Variants in PDE9A observed in about 807,000 individuals in gnomAD.
PDE9A encodes high affinity cGMP-specific 3',5'-cyclic phosphodiesterase 9A.
In PDE9A, 60 loss-of-function variants were observed where a neutral mutation model predicts 87.4. The observed-to-expected ratio is 0.69, with a 90% confidence interval of 0.56 to 0.85. PDE9A has a LOEUF of 0.85. Among genes scored for constraint, PDE9A ranks in the 40% least tolerant of loss-of-function variants. PDE9A has a pLI of 0.00. For missense variants in PDE9A, 665 were observed against 779.0 expected (o/e 0.85, Z 1.74); for synonymous variants, 272 against 279.4 (o/e 0.97, Z 0.27).
At chr21:42,677,733 C>T (rs1295209395) in intron 1 of PDE9A, among the ~76,000 whole-genome samples, 1 of 152,178 alleles carries the variant, frequency 6.6e-6, no homozygotes, top group African/African-American at 2.4e-5. Flanking sequence ...GTCTCCACAT[C>T]CCGGGTTCAA....
intron 7 of PDE9A, among the ~76,000 whole-genome samples, chr21:42,736,393 C>T (rs2052442018): frequency 6.6e-6 from 1 of 152,086 alleles, no homozygotes; most frequent in African/African-American, 2.4e-5. Flanking sequence ...TAGGACCTTC[C>T]CCCCTAGCCT....
At chr21:42,707,708 A>T (rs1234821757) in intron 4 of PDE9A, among the ~76,000 whole-genome samples, 2 of 152,126 alleles carry the variant, frequency 1.3e-5, no homozygotes, top group African/African-American at 4.8e-5. Context: ...CCCCTGGCAT[A>T]CTCATTTGTC....
intron 1 of PDE9A, among the ~76,000 whole-genome samples, chr21:42,683,673 G>C (rs1444655147): frequency 2.6e-5 from 4 of 152,212 alleles, no homozygotes; most frequent in Non-Finnish European, 5.9e-5. Context: ...AGTAAAGTCA[G>C]ACGAGCCTGC....
rs950707444 is a variant in PDE9A, at chr21:42,705,877, C to T, written c.262+6866C>T. Among the ~76,000 whole-genome samples, 8 of 152,118 alleles carry T rather than the reference C, an allele frequency of 5.3e-5. No individual in the cohort carries two copies. Among genetic ancestry groups the T allele is most frequent in the African/African-American group, 1.7e-4 (7 of 41,442 alleles). On this transcript the variant is annotated intron_variant, in intron 4 of 19. Coordinates refer to ENST00000291539, the MANE Select transcript of PDE9A (RefSeq NM_002606.3). The surrounding 1 kb of genome is among the most constrained non-coding windows in gnomAD (Gnocchi z 4.3). Reference sequence around the variant, plus strand: ...GTTCAGCCTCTGCATCTGGCCCCCGCGGAGACCCACACCACATTCTACTCC... The same window carrying T: ...GTTCAGCCTCTGCATCTGGCCCCCGTGGAGACCCACACCACATTCTACTCC...
At chr21:42,674,508 C>T (rs377303050) in intron 1 of PDE9A, among the ~76,000 whole-genome samples, 2 of 152,146 alleles carry the variant, frequency 1.3e-5, no homozygotes, top group East Asian at 1.9e-4. Context: ...TCCCCTCCCT[C>T]CCTCCAGCCC....
chr21:42,770,581 T>G (rs986471657), intron 17 of PDE9A, 122 bp from the exon 18 acceptor site: 2 of 684,158 alleles, frequency 2.9e-6, no homozygotes, highest in Non-Finnish European at 2.6e-6. Context: ...GGCACGAGGG[T>G]GTCCAGGAGC....
chr21:42,738,290 C>T (rs913048865), intron 7 of PDE9A, among the ~76,000 whole-genome samples: 1 of 152,246 alleles, frequency 6.6e-6, no homozygotes, highest in Non-Finnish European at 1.5e-5. Context: ...TTTTCTCTGT[C>T]ACTCCGGAAG....
intron 1 of PDE9A, among the ~76,000 whole-genome samples, chr21:42,663,640 T>C (rs2057758133): frequency 6.6e-6 from 1 of 152,192 alleles, no homozygotes; most frequent in Non-Finnish European, 1.5e-5. Flanking sequence ...AGCCCGACTC[T>C]TGGGGGCGGG....
chr21:42,668,586 C>T (rs1001884613), intron 1 of PDE9A, among the ~76,000 whole-genome samples: 4 of 151,428 alleles, frequency 2.6e-5, no homozygotes, highest in African/African-American at 9.7e-5. Flanking sequence ...TTTCAGTCCC[C>T]TGTGATCCAT....
intron 1 of PDE9A, among the ~76,000 whole-genome samples, chr21:42,671,662 T>C (rs1413686754): frequency 6.6e-6 from 1 of 152,222 alleles, no homozygotes; most frequent in Non-Finnish European, 1.5e-5. Context: ...TATAGATTGA[T>C]TGACAGATGA....
intron 4 of PDE9A, among the ~76,000 whole-genome samples, chr21:42,727,782 T>C (rs144384979): frequency 1.2e-3 from 189 of 152,302 alleles, no homozygotes; most frequent in East Asian, 2.3e-3. Context: ...TTTGTTGTTG[T>C]TGTTTGTAGA....
At chr21:42,743,404 G>A (rs1569233464) in intron 7 of PDE9A, among the ~76,000 whole-genome samples, 1 of 152,160 alleles carries the variant, frequency 6.6e-6, no homozygotes, top group Non-Finnish European at 1.5e-5. Context: ...TTTTCTTTTT[G>A]GGATAAAAGA....
chr21:42,747,327 G>A (rs1244115523), intron 8 of PDE9A, among the ~76,000 whole-genome samples: 1 of 151,942 alleles, frequency 6.6e-6, no homozygotes, highest in Admixed American at 6.6e-5. Flanking sequence ...GGGGGTGGGG[G>A]GCCTTCCCGA....
chr21:42,681,361 G>GT lies in PDE9A; in HGVS notation c.70-4830dup. On this transcript the variant is annotated intron_variant, in intron 1 of 19. Coordinates refer to ENST00000291539, the MANE Select transcript of PDE9A (RefSeq NM_002606.3). ...AATAATCTGGGAGTCAGTGTATGCT[G>GT]TGATCAAGCATGTGCGGTCCGCAGC... Among the ~76,000 whole-genome samples, 4 of 152,358 alleles carry GT rather than the reference G, an allele frequency of 2.6e-5. 1 individual carries two copies. In the South Asian group the frequency reaches 8.3e-4, roughly 32 times the overall value.
chr21:42,724,180 C>T (rs555904665), intron 4 of PDE9A, among the ~76,000 whole-genome samples: 5 of 152,150 alleles, frequency 3.3e-5, no homozygotes, highest in African/African-American at 4.8e-5. Context: ...GTGCCCGGAG[C>T]GCACCCTGTC....
chr21:42,707,464 G>A (rs1407820739), intron 4 of PDE9A, among the ~76,000 whole-genome samples: 2 of 152,182 alleles, frequency 1.3e-5, no homozygotes, highest in African/African-American at 4.8e-5. Flanking sequence ...TCCACAGTGG[G>A]ACCAATCTCT....
intron 16 of PDE9A, 95 bp downstream of exon 16, chr21:42,768,387 C>A: frequency 9.6e-7 from 1 of 1,040,582 alleles, no homozygotes; most frequent in Non-Finnish European, 1.5e-6. Context: ...GGTGGTCCCG[C>A]ATATTCCCCG....
chr21:42,749,118 T>C (rs1162582739), intron 8 of PDE9A, among the ~76,000 whole-genome samples: 2 of 152,204 alleles, frequency 1.3e-5, no homozygotes, highest in Non-Finnish European at 2.9e-5. Flanking sequence ...TAGAGCTGTT[T>C]GTTCCTGTTT....
Position 42,694,371 on chromosome 21 carries a change from T to C in PDE9A, c.219-4597T>C, listed in dbSNP as rs1055659579. On this transcript the variant is annotated intron_variant, in intron 3 of 19. Transcript: ENST00000291539. This position sits in a 1 kb window ranked among gnomAD's most constrained non-coding sequence, Gnocchi z 5.3. ...TGCTGGCAGCTGGTTGCATCTGGCATGCTTGGATTCCTGCAGGTGGCTGGT... is the reference window on the plus strand; with the variant it reads ...TGCTGGCAGCTGGTTGCATCTGGCACGCTTGGATTCCTGCAGGTGGCTGGT... 1.3e-5 allele frequency among the ~76,000 whole-genome samples: 2 copies of C among 152,174 alleles called. No individual in the cohort carries two copies. The highest frequency in any genetic ancestry group is 4.8e-5 in the African/African-American group (2 of 41,434).
Sources: allele counts gnomAD v4.1 joint callset (sites outside exome capture counted in the v4.1 genomes callset), GRCh38; gene constraint gnomAD v4.1.1; non-coding constraint Gnocchi (gnomAD v3.1); transcripts MANE v1.5; gene names NCBI Gene and HGNC (gene_info 2026-07-23, HGNC 2026-07-21).